Variants in SCD5 observed in about 807,000 individuals in gnomAD.
SCD5 encodes stearoyl-CoA desaturase 5.
A neutral mutation model predicts 30.4 loss-of-function variants in SCD5; 20 were observed. That is an observed-to-expected ratio of 0.66 (90% CI 0.46 to 0.96). The LOEUF (loss-of-function observed/expected upper bound fraction) is 0.96. SCD5 is among the 40% of genes least tolerant of loss of function. SCD5 has a pLI of 0.00. For synonymous variants in SCD5, 173 were observed against 176.4 expected (o/e 0.98, Z 0.16); for missense variants, 381 against 443.3 (o/e 0.86, Z 1.26).
At chr4:82,769,403 T>C (rs914633651) in intron 1 of SCD5, among the ~76,000 whole-genome samples, 4 of 152,188 alleles carry the variant, frequency 2.6e-5, no homozygotes, top group African/African-American at 9.7e-5. Flanking sequence ...GCCAAGTAGG[T>C]AGTGTTTTCC....
intron 3 of SCD5, chr4:82,659,796 A>G (rs1727944250): frequency 6.6e-6 from 1 of 152,118 alleles, no homozygotes. Context: ...AGAAGAATGT[A>G]TATTCTGTTG....
At chr4:82,717,533 G>C (rs1347631873) in intron 1 of SCD5, among the ~76,000 whole-genome samples, 1 of 151,848 alleles carries the variant, frequency 6.6e-6, no homozygotes, top group Non-Finnish European at 1.5e-5. Flanking sequence ...GTGTGTGTTA[G>C]AGGAAGATGT....
chr4:82,783,187 G>A (rs1210891518), intron 1 of SCD5, among the ~76,000 whole-genome samples: 2 of 152,180 alleles, frequency 1.3e-5, no homozygotes, highest in East Asian at 3.8e-4. Flanking sequence ...ACTCACTCAT[G>A]ACTGACTCCT....
intron 3 of SCD5, among the ~76,000 whole-genome samples, chr4:82,641,017 G>A (rs57642298): frequency 0.2 from 29,699 of 151,964 alleles, 3,068 homozygotes; most frequent in East Asian, 0.37. Flanking sequence ...TAATCACACT[G>A]AGCCTCAGGT....
chr4:82,719,604 C>T (rs1244633614), intron 1 of SCD5, among the ~76,000 whole-genome samples: 3 of 149,006 alleles, frequency 2.0e-5, no homozygotes, highest in South Asian at 2.1e-4. Flanking sequence ...CCCAGGTTCA[C>T]GCCATTCTCC....
chr4:82,776,521 C>T (rs2148850088), intron 1 of SCD5, among the ~76,000 whole-genome samples: 1 of 152,262 alleles, frequency 6.6e-6, no homozygotes, highest in East Asian at 1.9e-4. Flanking sequence ...CTGCTGGAGG[C>T]TTTCCTAGGA....
intron 2 of SCD5, among the ~76,000 whole-genome samples, chr4:82,682,774 A>AAG (rs1012538800): frequency 2.0e-5 from 3 of 152,106 alleles, no homozygotes; most frequent in Non-Finnish European, 4.4e-5. Flanking sequence ...TCAGTCTCCC[A>AAG]AGTAGCTGGG....
At chr4:82,747,036 T>C (rs1001672979) in intron 1 of SCD5, among the ~76,000 whole-genome samples, 1 of 148,858 alleles carries the variant, frequency 6.7e-6, no homozygotes. Flanking sequence ...GGAGTTCGGT[T>C]GGGGGGCAGT....
chr4:82,781,738 A>G lies in SCD5; in HGVS notation c.232+16568T>C, dbSNP rs577205006. Among the ~76,000 whole-genome samples, 38 of 152,314 alleles carry G rather than the reference A, an allele frequency of 2.5e-4. No homozygotes were observed. In the South Asian group the frequency reaches 7.7e-3, roughly 31 times the overall value. ...TCTCTCACCCTCTCATTGCCCTTGC[A>G]TAATAGGATGATGCAACAAGAAGGC... is the stretch of plus-strand genomic sequence containing the variant. On this transcript the variant is annotated intron_variant, in intron 1 of 4. Transcript: ENST00000319540.
Position 82,712,237 on chromosome 4 carries a change from A to G in SCD5, c.233-6824T>C, listed in dbSNP as rs537521877. 3.9e-4 allele frequency among the ~76,000 whole-genome samples: 31 copies of G among 80,260 alleles called. 3 individuals carry two copies. The highest frequency in any genetic ancestry group is 1.4e-3 in the African/African-American group (30 of 21,192). The allele number at this position is 80,260 out of a possible 152,430, so 52.7% of individuals were successfully genotyped here. A position where few individuals can be genotyped will look rare whatever the true frequency, so the allele number is the denominator to read the frequency against. ...GACTCAATAGGTCTGGGGAGGGACCAACTAACATATATATATATATATATA... is the reference window on the plus strand; with the variant it reads ...GACTCAATAGGTCTGGGGAGGGACCGACTAACATATATATATATATATATA... On this transcript the variant is annotated intron_variant, in intron 1 of 4. Transcript: ENST00000319540.
chr4:82,692,830 C>G (rs1341589357), intron 2 of SCD5, among the ~76,000 whole-genome samples: 1 of 152,218 alleles, frequency 6.6e-6, no homozygotes, highest in Non-Finnish European at 1.5e-5. Flanking sequence ...GGAACCTTCT[C>G]CAATCTTATT....
intron 3 of SCD5, among the ~76,000 whole-genome samples, chr4:82,649,003 C>T (rs1323299626): frequency 6.6e-6 from 1 of 152,026 alleles, no homozygotes; most frequent in Non-Finnish European, 1.5e-5. Context: ...AATAATGGTT[C>T]TCTTTGTTTA....
rs142421377 is a variant in SCD5 at position 82,717,622 on chromosome 4, C to T, written c.233-12209G>A. ...ATAAATAGGAAACTAATATCAAAAT[C>T]GTTGGTCCTTTGGCCTGGTGCAGTG... On this transcript the variant is annotated intron_variant, in intron 1 of 4. Coordinates refer to ENST00000319540, the MANE Select transcript of SCD5 (RefSeq NM_001037582.3). 1.6e-4 allele frequency among the ~76,000 whole-genome samples: 25 copies of T among 151,832 alleles called. 1 individual carries two copies. The highest frequency in any genetic ancestry group is 5.6e-4 in the African/African-American group (23 of 41,182).
At chr4:82,670,595 A>C (rs1189008463) in intron 3 of SCD5, among the ~76,000 whole-genome samples, 1 of 152,130 alleles carries the variant, frequency 6.6e-6, no homozygotes, top group Non-Finnish European at 1.5e-5. Context: ...AATTGGATGG[A>C]ATAGTAACAA....
Position 82,798,503 on chromosome 4 carries a change from G to C in SCD5, c.35C>G (p.Pro12Arg), listed in dbSNP as rs767346516. 2.5e-6 allele frequency: 4 copies of C among 1,608,856 alleles called. No homozygotes were observed. In the African/African-American group the frequency reaches 5.4e-5, roughly 22 times the overall value. The change falls in exon 1 of 5, where the codon CCT becomes CGT. Residue 12 changes from proline (P) to arginine (R), a missense_variant. By Grantham distance (103) the Pro-to-Arg change is moderately radical (BLOSUM62 -2). Transcript: ENST00000319540. ...PGPATDAGKI[P>R]FCDAKEEIRA... ...GATTTCTTCCTTGGCGTCGCAGAAA[G>C]GGATCTTCCCCGCGTCGGTGGCCGG...
chr4:82,668,091 G>C (rs943123881), intron 3 of SCD5, among the ~76,000 whole-genome samples: 5 of 152,200 alleles, frequency 3.3e-5, no homozygotes, highest in Admixed American at 6.6e-5. Flanking sequence ...AGGTTAAACA[G>C]CTTTTGTTCT....
At chr4:82,729,625 A>T (rs1383846677) in intron 1 of SCD5, among the ~76,000 whole-genome samples, 1 of 107,448 alleles carries the variant, frequency 9.3e-6, no homozygotes, top group Non-Finnish European at 1.8e-5. Flanking sequence ...ATCTTCTTGA[A>T]CATGAAGGGA....
chr4:82,730,554 C>T (rs1720615091), intron 1 of SCD5, among the ~76,000 whole-genome samples: 1 of 149,542 alleles, frequency 6.7e-6, no homozygotes. Context: ...CCTTGGCCTC[C>T]CAAAGGAAAA....
chr4:82,789,276 G>C (rs900885016), intron 1 of SCD5, among the ~76,000 whole-genome samples: 3 of 152,182 alleles, frequency 2.0e-5, no homozygotes, highest in Admixed American at 1.3e-4. Flanking sequence ...AAGAGAAGCA[G>C]GATCCCGACA....
Sources: allele counts gnomAD v4.1 joint callset (sites outside exome capture counted in the v4.1 genomes callset), GRCh38; gene constraint gnomAD v4.1.1; transcripts MANE v1.5; gene names NCBI Gene and HGNC (gene_info 2026-07-23, HGNC 2026-07-21).